CCDC180: variants seen among roughly 807,000 people sequenced by gnomAD.
CCDC180 encodes coiled-coil domain containing 180.
A neutral mutation model predicts 209.2 loss-of-function variants in CCDC180; 154 were observed. The observed-to-expected ratio is 0.74, with a 90% CI of 0.65 to 0.84. CCDC180 has a LOEUF of 0.84. CCDC180 is among the 40% of genes least tolerant of loss of function. The pLI is 0.00. For missense variants in CCDC180, 1,874 were observed against 1,997.3 expected, an observed-to-expected ratio of 0.94 and a Z score of 1.18; for synonymous variants, 778 against 749.1, an observed-to-expected ratio of 1.04 and a Z score of -0.63.
intron 9 of CCDC180, among the ~76,000 whole-genome samples, chr9:97,318,207 C>A (rs996336029): frequency 3.9e-5 from 6 of 152,198 alleles, no homozygotes; most frequent in African/African-American, 7.2e-5. Flanking sequence ...GCTGTTGGTG[C>A]CAGAGCTCCA....
At position 97,328,012 on chromosome 9, in the gene CCDC180, C is replaced by T. The variant is rs1564154424; in HGVS notation, c.1662-8C>T. The stretch of plus-strand genomic sequence containing the variant: ...TGGGGTCTCCTGTCTTACCTACCTA[C>T]CTCCCAGGTATGAATGTTTTCACAC... On this transcript the variant is annotated splice_region_variant and splice_polypyrimidine_tract_variant and intron_variant, in intron 15 of 36. Transcript: ENST00000529487. 6.2e-7 allele frequency: 1 copy of T among 1,612,030 alleles called. No individual in the cohort carries two copies. Among genetic ancestry groups the T allele is most frequent in the South Asian group, 1.1e-5 (1 of 90,718 alleles).
chr9:97,376,529 C>T (rs1426092363), intron 36 of CCDC180: 3 of 436,174 alleles, frequency 6.9e-6, no homozygotes, highest in Non-Finnish European at 8.5e-6. Flanking sequence ...CCCTGCTCAG[C>T]CTCCTTCTAG....
intron 31 of CCDC180, 99 bp from the exon 32 acceptor site, chr9:97,369,823 T>A: frequency 7.4e-7 from 1 of 1,360,120 alleles, no homozygotes; most frequent in Non-Finnish European, 1.0e-6. Flanking sequence ...CAAGATTTTC[T>A]CTTTGGGAAG....
intron 18 of CCDC180, among the ~76,000 whole-genome samples, chr9:97,338,550 TTTACATTTGCTGAG>T (rs1470258001): frequency 6.6e-6 from 1 of 152,208 alleles, no homozygotes; most frequent in Non-Finnish European, 1.5e-5. Flanking sequence ...TTTCTGTTCT[TTTACATTTGCTGAG>T]AAGTGCTTTA....
chr9:97,358,494 C>T (rs1368955058), intron 25 of CCDC180, among the ~76,000 whole-genome samples: 11 of 152,136 alleles, frequency 7.2e-5, no homozygotes, highest in African/African-American at 2.2e-4. Flanking sequence ...AGAATTGGAA[C>T]AGTTTGTGGA....
chr9:97,334,695 T>C (rs10981661), intron 18 of CCDC180, among the ~76,000 whole-genome samples: 1 of 152,092 alleles, frequency 6.6e-6, no homozygotes, highest in Non-Finnish European at 1.5e-5. Flanking sequence ...TGTCGAGTCA[T>C]AGGGAAACAG....
Position 97,314,684 on chromosome 9 carries a change from C to T in CCDC180, c.655C>T (p.Leu219=). 6.2e-7 allele frequency: 1 copy of T among 1,613,966 alleles called. No homozygotes were observed. The highest frequency in any genetic ancestry group is 8.5e-7 in the Non-Finnish European group (1 of 1,179,996). ...LLLRKQEIKE[L]DEALHSLEFS... is the part of the protein sequence containing the mutation. ...GCTCCGGAAGCAGGAGATTAAGGAG[C>T]TGGATGAGGCCCTGCACTCGCTGGA... The change falls in exon 7 of 37, where the codon CTG becomes TTG. Residue 219 remains leucine (L), a synonymous_variant. Coordinates refer to ENST00000529487, the MANE Select transcript of CCDC180 (RefSeq NM_020893.6).
chr9:97,354,485 A>C, intron 22 of CCDC180, 84 bp from the exon 23 acceptor site: 2 of 1,384,694 alleles, frequency 1.4e-6, no homozygotes, highest in Non-Finnish European at 2.0e-6. Flanking sequence ...CTAGATTAAA[A>C]GTGTGTGTCA....
intron 29 of CCDC180, 130 bp from the exon 30 acceptor site, chr9:97,365,543 G>A (rs1462440950): frequency 9.1e-6 from 7 of 770,278 alleles, no homozygotes; most frequent in African/African-American, 1.7e-5. Flanking sequence ...AGGTCCTGGG[G>A]CAGCAGTGAG....
rs755611545 is a variant in CCDC180, at chr9:97,322,860, G to A, written c.1187G>A (p.Arg396Gln). The A allele has an allele frequency of 9.2e-5, 149 of 1,614,016 alleles. No individual in the cohort carries two copies. The highest frequency in any genetic ancestry group is 4.5e-4 in the African/African-American group (34 of 75,018). ...ACCTACCACGTGGACTGCATGATGC[G>A]GATCCGCCTGCTGTATGAGAAGACA... ...LDTYHVDCMMRIRLLYEKTWQ... is the reference protein window; with the variant it reads ...LDTYHVDCMMQIRLLYEKTWQ... The change falls in exon 12 of 37, where the codon CGG (arginine) becomes CAG (glutamine). Residue 396 changes from arginine (R) to glutamine (Q), a missense_variant. Transcript: ENST00000529487.
intron 15 of CCDC180, among the ~76,000 whole-genome samples, chr9:97,327,181 A>C (rs567021954): frequency 1.1e-4 from 16 of 152,322 alleles, no homozygotes; most frequent in Non-Finnish European, 2.2e-4. Context: ...AAACAAAAAA[A>C]AATTTAAACA....
At chr9:97,327,844 A>G (rs1452529803) in intron 15 of CCDC180, among the ~76,000 whole-genome samples, 176 bp from the exon 16 acceptor site, 3 of 152,166 alleles carry the variant, frequency 2.0e-5, no homozygotes, top group Non-Finnish European at 2.9e-5. Context: ...ACTTTCTACA[A>G]AAAGTATGTA....
chr9:97,342,461 G>T (rs1337624500), intron 18 of CCDC180, among the ~76,000 whole-genome samples: 5 of 152,088 alleles, frequency 3.3e-5, no homozygotes, highest in Non-Finnish European at 7.4e-5. Context: ...TGTATTTTTA[G>T]TAGAGACAGG....
chr9:97,357,555 T>C, intron 24 of CCDC180, 72 bp from the exon 25 acceptor site: 1 of 982,566 alleles, frequency 1.0e-6, no homozygotes, highest in South Asian at 1.4e-5. Context: ...TCAGATGGTA[T>C]GTTTCACAGA....
intron 8 of CCDC180, 29 bp downstream of exon 8, chr9:97,314,975 C>T (rs757976257): frequency 3.2e-6 from 5 of 1,569,832 alleles, no homozygotes; most frequent in Non-Finnish European, 4.4e-6. Flanking sequence ...CAGGGATCAG[C>T]CCATGGGAGA....
rs757116613 is a variant in CCDC180 at position 97,307,776 on chromosome 9, G to C, written c.-112G>C. On this transcript the variant is annotated 5_prime_UTR_variant, in exon 1 of 37. Transcript: ENST00000529487. Reference sequence around the variant, plus strand: ...GCGCCATGCGCGGCGGGGAGAACCGGCCTCCTGCTCGAGTTCAGAGCTCAT... The same window carrying C: ...GCGCCATGCGCGGCGGGGAGAACCGCCCTCCTGCTCGAGTTCAGAGCTCAT... 4 of 1,614,096 alleles carry C rather than the reference G, an allele frequency of 2.5e-6. No individual in the cohort carries two copies. The Admixed American group carries it at 5.0e-5, about 20-fold the overall frequency.
At chr9:97,368,785 C>CA (rs1826996441) in intron 31 of CCDC180, among the ~76,000 whole-genome samples, 1 of 152,098 alleles carries the variant, frequency 6.6e-6, no homozygotes, top group South Asian at 2.1e-4. Flanking sequence ...GTTCAGGCCT[C>CA]AAAGGATTCC....
At chr9:97,337,817 T>C (rs1354268427) in intron 18 of CCDC180, among the ~76,000 whole-genome samples, 1 of 152,242 alleles carries the variant, frequency 6.6e-6, no homozygotes, top group Non-Finnish European at 1.5e-5. Context: ...GTTGGTAGGC[T>C]ATTAATTATT....
rs1181803891 is a variant in CCDC180 at position 97,314,912 on chromosome 9, C to T, written c.761C>T (p.Pro254Leu). Residue 254 changes from proline to leucine, a missense_variant, in exon 8 of 37, where the codon CCC becomes CTC. By Grantham distance (98) the Pro-to-Leu change is moderately conservative. Transcript: ENST00000529487. ...GAGAAAACTTCCTACCTCATGCGGC[C>T]CGAAGTGTACAGGCTGATAAATGAA... is the stretch of plus-strand genomic sequence containing the variant. ...VIEKTSYLMR[P>L]EVYRLINEEA... The T allele has an allele frequency of 6.2e-7, 1 of 1,614,062 alleles. No individual in the cohort carries two copies. The highest frequency in any genetic ancestry group is 2.2e-5 in the East Asian group (1 of 44,876).
Sources: allele counts gnomAD v4.1 joint callset (sites outside exome capture counted in the v4.1 genomes callset), GRCh38; gene constraint gnomAD v4.1.1; transcripts MANE v1.5; gene names NCBI Gene and HGNC (gene_info 2026-07-23, HGNC 2026-07-21).